LRRFIP1: variants seen among roughly 807,000 people sequenced by gnomAD.
LRRFIP1 encodes the protein LRR binding FLII interacting protein 1.
A neutral mutation model predicts 104.4 loss-of-function variants in LRRFIP1; 62 were observed. The ratio of observed to expected loss-of-function variants is 0.59; its 90% CI spans 0.48 to 0.73. The LOEUF (loss-of-function observed/expected upper bound fraction) is 0.73. Among genes scored for constraint, LRRFIP1 ranks in the 30% least tolerant of loss-of-function variants. The pLI, the probability that LRRFIP1 is intolerant of heterozygous loss-of-function variation, is 0.00. For synonymous variants in LRRFIP1, 300 were observed against 299.0 expected (o/e 1.00, Z -0.03); for missense variants, 796 against 824.5 (o/e 0.97, Z 0.42).
rs774273778 is a variant in LRRFIP1, at chr2:237,764,861, A to T, written c.1459+4656A>T. On this transcript the variant is annotated intron_variant, in intron 19 of 23. Transcript: ENST00000308482. ...GAGATTTTAACTTCACTTCATGCTG[A>T]TGATGTATCAAATTCATTTTATAGA... 7 of 985,622 alleles carry T rather than the reference A, an allele frequency of 7.1e-6. 1 individual carries two copies. In the African/African-American group the frequency reaches 1.2e-4, roughly 17 times the overall value. 61.1% of individuals were successfully genotyped at this position (985,622 alleles called of 1,614,324 possible). A position where few individuals can be genotyped will look rare whatever the true frequency, so the allele number is the denominator to read the frequency against.
chr2:237,751,532 C>A (rs987841845), intron 14 of LRRFIP1, among the ~76,000 whole-genome samples: 3 of 152,202 alleles, frequency 2.0e-5, no homozygotes, highest in African/African-American at 4.8e-5. Flanking sequence ...CTTAGACTTA[C>A]CATCCTTCCC....
intron 19 of LRRFIP1, chr2:237,764,131 C>T: frequency 6.2e-7 from 1 of 1,614,084 alleles, no homozygotes; most frequent in Non-Finnish European, 8.5e-7. Context: ...AAGACTGTAC[C>T]ATGTCCTAAG....
chr2:237,663,548 A>G (rs2088516672), intron 1 of LRRFIP1, among the ~76,000 whole-genome samples: 1 of 152,226 alleles, frequency 6.6e-6, no homozygotes, highest in Non-Finnish European at 1.5e-5. Flanking sequence ...TGGGCTTCAC[A>G]GCCTCTGGAA....
At chr2:237,739,696 G>A (rs1032736684) in intron 11 of LRRFIP1, among the ~76,000 whole-genome samples, 3 of 152,130 alleles carry the variant, frequency 2.0e-5, no homozygotes, top group African/African-American at 2.4e-5. Flanking sequence ...CCAATCATTC[G>A]TTACCCTCCT....
rs185883170 is a variant in LRRFIP1 at position 237,733,699 on chromosome 2, G to C, written c.445-75G>C. 2,262 of 1,418,198 alleles carry C rather than the reference G, an allele frequency of 1.6e-3. 3 individuals carry two copies. The highest frequency in any genetic ancestry group is 2.3e-3 in the Admixed American group (135 of 59,734). 87.9% of individuals were successfully genotyped at this position (1,418,198 alleles called of 1,614,324 possible). ...GGCTATGGTGAATGCTGAAACTATC[G>C]TGATGGCCTTTTGCTGTCATTTGTT... On this transcript the variant is annotated intron_variant, in intron 8 of 23. Coordinates refer to ENST00000308482, the MANE Select transcript of LRRFIP1 (RefSeq NM_001137550.2).
At chr2:237,697,007 A>T in intron 1 of LRRFIP1, among the ~76,000 whole-genome samples, 1 of 152,308 alleles carries the variant, frequency 6.6e-6, no homozygotes, top group Admixed American at 6.5e-5. Context: ...GAGAACATTC[A>T]AAGAACGAAC....
At chr2:237,686,449 A>G (rs1049210071) in intron 1 of LRRFIP1, among the ~76,000 whole-genome samples, 2 of 152,244 alleles carry the variant, frequency 1.3e-5, no homozygotes, top group African/African-American at 4.8e-5. Flanking sequence ...ATTAATGACA[A>G]TTCATCAAAG....
At chr2:237,648,796 G>T (rs981580408) in intron 1 of LRRFIP1, among the ~76,000 whole-genome samples, 1 of 151,344 alleles carries the variant, frequency 6.6e-6, no homozygotes, top group African/African-American at 2.4e-5. Flanking sequence ...CTCAAAGCAG[G>T]CAGTGATCCC....
chr2:237,745,412 T>C (rs933772621), intron 11 of LRRFIP1, among the ~76,000 whole-genome samples: 7 of 152,238 alleles, frequency 4.6e-5, no homozygotes, highest in Admixed American at 2.0e-4. Context: ...CTTAAAAATA[T>C]GCCCAGATTT....
chr2:237,729,694 G>T, intron 8 of LRRFIP1: 1 of 551,862 alleles, frequency 1.8e-6, no homozygotes, highest in Non-Finnish European at 2.3e-6. Flanking sequence ...GCTGTTCCAT[G>T]TTCGCCTTTT....
At chr2:237,776,421 G>T (rs1354316676) in intron 23 of LRRFIP1, among the ~76,000 whole-genome samples, 1 of 152,046 alleles carries the variant, frequency 6.6e-6, no homozygotes, top group African/African-American at 2.4e-5. Flanking sequence ...CTGATTTATG[G>T]ATGCAAAATT....
chr2:237,690,743 A>G (rs1350550108), intron 1 of LRRFIP1, among the ~76,000 whole-genome samples: 80 of 148,276 alleles, frequency 5.4e-4, no homozygotes, highest in African/African-American at 2.0e-3. Context: ...TCTCAAAAAA[A>G]AAAAAAAGAA....
intron 1 of LRRFIP1, chr2:237,683,552 A>C (rs1405018213): frequency 6.6e-6 from 1 of 152,228 alleles, no homozygotes; most frequent in Admixed American, 6.5e-5. Flanking sequence ...ATTTGTACAC[A>C]TGGAGAACAT....
At chr2:237,732,063 T>A (rs1258185863) in intron 8 of LRRFIP1, among the ~76,000 whole-genome samples, 1 of 152,240 alleles carries the variant, frequency 6.6e-6, no homozygotes, top group Admixed American at 6.5e-5. Flanking sequence ...TTTCAATATT[T>A]AATATCAACT....
chr2:237,729,307 T>G (rs1409510941), intron 8 of LRRFIP1, among the ~76,000 whole-genome samples: 1 of 152,244 alleles, frequency 6.6e-6, no homozygotes, highest in Non-Finnish European at 1.5e-5. Context: ...ATAAGGGCTC[T>G]CCAGTGGACG....
intron 2 of LRRFIP1, among the ~76,000 whole-genome samples, chr2:237,712,367 G>A (rs949217265): frequency 6.6e-6 from 1 of 152,190 alleles, no homozygotes; most frequent in Non-Finnish European, 1.5e-5. Context: ...TCACATTGAG[G>A]ACGCTGGCAC....
At chr2:237,742,492 G>A (rs960114867) in intron 11 of LRRFIP1, among the ~76,000 whole-genome samples, 4 of 152,212 alleles carry the variant, frequency 2.6e-5, no homozygotes, top group Non-Finnish European at 5.9e-5. Context: ...TTGATTGATC[G>A]TGTCGAGAAT....
chr2:237,719,707 A>G (rs2094470690), intron 5 of LRRFIP1, 140 bp downstream of exon 5: 6 of 563,032 alleles, frequency 1.1e-5, no homozygotes, highest in Non-Finnish European at 1.8e-5. Flanking sequence ...ACTATTAATG[A>G]TAGAATACTG....
At position 237,772,882 on chromosome 2, in the gene LRRFIP1, G is replaced by T. The variant is rs752603785; in HGVS notation, c.1644G>T (p.Gln548His). Residue 548 changes from glutamine (Q) to histidine (H), a missense_variant, in exon 22 of 24, where the codon CAG (glutamine) becomes CAT (histidine). Coordinates refer to ENST00000308482, the MANE Select transcript of LRRFIP1 (RefSeq NM_001137550.2). ...VMDLQRDANRQISDLKFKLAK... is the reference protein window; with the variant it reads ...VMDLQRDANRHISDLKFKLAK... The stretch of plus-strand genomic sequence containing the variant: ...AACCTTTAGGGGATGCCAACAGACA[G>T]ATCAGCGACCTCAAATTTAAACTTG... The T allele has an allele frequency of 1.2e-4, 192 of 1,613,634 alleles. No homozygotes were observed. Among genetic ancestry groups the T allele is most frequent in the Non-Finnish European group, 1.6e-4 (184 of 1,179,632 alleles).
Sources: gnomAD v4.1 joint callset for allele counts (sites outside exome capture counted in the v4.1 genomes callset) on GRCh38, gnomAD v4.1.1 for gene constraint, MANE v1.5 for transcripts, NCBI Gene and HGNC (gene_info 2026-07-23, HGNC 2026-07-21) for gene names.